BCL11B: variants seen among roughly 807,000 people sequenced by gnomAD.
BCL11B encodes the protein B-cell lymphoma/leukemia 11B.
BCL11B carries 8 observed loss-of-function variants against 49.9 expected under a neutral mutation model. That is an observed-to-expected ratio of 0.16 (90% CI 0.09 to 0.29). The LOEUF is 0.29. Among genes scored for constraint, BCL11B ranks in the 10% least tolerant of loss-of-function variants. The pLI is 1.00. For synonymous variants in BCL11B, 739 were observed against 637.4 expected, an observed-to-expected ratio of 1.16 and a Z score of -2.40; for missense variants, 1,006 against 1,351.0, an observed-to-expected ratio of 0.74 and a Z score of 4.00.
rs570443477 is a variant in BCL11B, at chr14:99,220,627, T to A, written c.640+10718A>T. Among the ~76,000 whole-genome samples the A allele has an allele frequency of 3.9e-5, 6 of 152,230 alleles. No homozygotes were observed. The South Asian group carries it at 6.2e-4, about 16-fold the overall frequency. On this transcript the variant is annotated intron_variant, in intron 3 of 3. Transcript: ENST00000357195. The stretch of plus-strand genomic sequence containing the variant: ...AATGGTGCCAGAGCTCTGTTTGGGA[T>A]GATGGAAAAGCTCTGGAGATGGACG...
At chr14:99,183,832 C>T (rs1036784138) in intron 3 of BCL11B, among the ~76,000 whole-genome samples, 7 of 151,920 alleles carry the variant, frequency 4.6e-5, no homozygotes, top group African/African-American at 7.3e-5. Flanking sequence ...CCCTCCACAC[C>T]GGGCCCCCTC....
At chr14:99,185,916 C>G (rs1303179566) in intron 3 of BCL11B, among the ~76,000 whole-genome samples, 2 of 152,256 alleles carry the variant, frequency 1.3e-5, no homozygotes, top group African/African-American at 4.8e-5. Flanking sequence ...GCTTCACCGT[C>G]AACTTCTCAA....
intron 1 of BCL11B, among the ~76,000 whole-genome samples, chr14:99,259,994 C>T (rs1889289722): frequency 6.6e-6 from 1 of 152,038 alleles, no homozygotes; most frequent in African/African-American, 2.4e-5. Flanking sequence ...CCTTTAATTA[C>T]CAATTACATA....
intron 3 of BCL11B, among the ~76,000 whole-genome samples, chr14:99,227,869 G>A (rs1462850271): frequency 6.6e-6 from 1 of 151,946 alleles, no homozygotes; most frequent in Non-Finnish European, 1.5e-5. Flanking sequence ...TAGACTCAAA[G>A]CCCCACCTTC....
chr14:99,244,411 G>A (rs760538836), intron 2 of BCL11B, among the ~76,000 whole-genome samples: 1 of 151,872 alleles, frequency 6.6e-6, no homozygotes, highest in South Asian at 2.1e-4. Context: ...CATAATTAGC[G>A]TTTCATCTTT....
At chr14:99,267,294 A>G (rs1184463620) in intron 1 of BCL11B, among the ~76,000 whole-genome samples, 1 of 152,168 alleles carries the variant, frequency 6.6e-6, no homozygotes, top group Admixed American at 6.5e-5. Flanking sequence ...AGAAAAGAAA[A>G]GAAAAGAAAT....
intron 3 of BCL11B, among the ~76,000 whole-genome samples, chr14:99,181,932 C>T (rs1012045381): frequency 3.9e-5 from 6 of 152,184 alleles, no homozygotes; most frequent in African/African-American, 1.4e-4. Context: ...CCAAAATGAT[C>T]GTAATTATCA....
chr14:99,225,716 A>G (rs1226521653), intron 3 of BCL11B, among the ~76,000 whole-genome samples: 1 of 152,270 alleles, frequency 6.6e-6, no homozygotes, highest in African/African-American at 2.4e-5. Flanking sequence ...GCAGAAAAAC[A>G]GCAACATCTT....
intron 3 of BCL11B, among the ~76,000 whole-genome samples, chr14:99,229,440 G>A (rs1299494197): frequency 6.6e-6 from 1 of 152,164 alleles, no homozygotes; most frequent in Admixed American, 6.5e-5. Context: ...TGGCTCCACA[G>A]GAAGAGGGGT....
chr14:99,215,958 C>G (rs1243912023), intron 3 of BCL11B, among the ~76,000 whole-genome samples: 1 of 152,114 alleles, frequency 6.6e-6, no homozygotes, highest in East Asian at 1.9e-4. Context: ...AGGGCAGTGC[C>G]GGGAACAGAG....
intron 1 of BCL11B, among the ~76,000 whole-genome samples, chr14:99,266,753 G>A (rs776354384): frequency 1.9e-4 from 29 of 152,222 alleles, no homozygotes; most frequent in Non-Finnish European, 3.8e-4. Context: ...GCCAAGTGGC[G>A]CTAGGCGCGG....
At position 99,241,488 on chromosome 14, in the gene BCL11B, T is replaced by C. The variant is rs1195346012; in HGVS notation, c.428-9931A>G. Among the ~76,000 whole-genome samples the C allele has an allele frequency of 2.0e-5, 3 of 151,126 alleles. No homozygotes were observed. The highest frequency in any genetic ancestry group is 7.3e-5 in the African/African-American group (3 of 41,080). On this transcript the variant is annotated intron_variant, in intron 2 of 3. Coordinates refer to ENST00000357195, the MANE Select transcript of BCL11B (RefSeq NM_138576.4). The surrounding 1 kb of genome is among the most constrained non-coding windows in gnomAD (Gnocchi z 4.4). ...CCCAAAAGAAAAAGAAAAAAAAAAA[T>C]CTTCGCACCACATCACCAAAATGGC...
At chr14:99,209,616 G>C (rs1887631593) in intron 3 of BCL11B, among the ~76,000 whole-genome samples, 1 of 152,156 alleles carries the variant, frequency 6.6e-6, no homozygotes, top group Admixed American at 6.5e-5. Context: ...GCCCCCGGCA[G>C]GGGAGAACCT....
In BCL11B at chr14:99,246,360, T is replaced by C. The variant is rs17095104; in HGVS notation, c.427+11111A>G. On this transcript the variant is annotated intron_variant, in intron 2 of 3. Coordinates refer to ENST00000357195, the MANE Select transcript of BCL11B (RefSeq NM_138576.4). ...CCGCCCCACCAAGGCACAATCAACG[T>C]GCGCAGCGGGCGCGGGTCAAAGAGA... 4.9e-3 allele frequency among the ~76,000 whole-genome samples: 743 copies of C among 152,274 alleles called. 47 individuals are homozygous for C. In the East Asian group the frequency reaches 0.13, roughly 27 times the overall value.
rs1010060636 is a variant in BCL11B at position 99,205,199 on chromosome 14, G to A, written c.640+26146C>T. ...CCTTGAACGAACCGAGGGCCCTCCT[G>A]GGCTGTCAAGAGAGAATTCTACAGC... On this transcript the variant is annotated intron_variant, in intron 3 of 3. Transcript: ENST00000357195. The surrounding 1 kb of genome is among the most constrained non-coding windows in gnomAD (Gnocchi z 5.0). 2.0e-5 allele frequency among the ~76,000 whole-genome samples: 3 copies of A among 152,048 alleles called. No individual in the cohort carries two copies. Among genetic ancestry groups the A allele is most frequent in the African/African-American group, 7.2e-5 (3 of 41,400 alleles).
chr14:99,205,041 ATC>A lies in BCL11B; in HGVS notation c.640+26302_640+26303del, dbSNP rs1887494501. ...ACAGGACAGGCGGACCAGGTCCCAGATCACCTGTGGGCAGGTGTTCAGGGGAT... is the reference window on the plus strand; with the variant it reads ...ACAGGACAGGCGGACCAGGTCCCAGAACCTGTGGGCAGGTGTTCAGGGGAT... On this transcript the variant is annotated intron_variant, in intron 3 of 3. Transcript: ENST00000357195. This position sits in a 1 kb window ranked among gnomAD's most constrained non-coding sequence, Gnocchi z 5.0. Among the ~76,000 whole-genome samples the A allele has an allele frequency of 6.6e-6, 1 of 152,144 alleles. No homozygotes were observed. The highest frequency in any genetic ancestry group is 2.4e-5 in the African/African-American group (1 of 41,440).
At chr14:99,224,717 T>C (rs561011691) in intron 3 of BCL11B, among the ~76,000 whole-genome samples, 63 of 152,246 alleles carry the variant, frequency 4.1e-4, no homozygotes, top group African/African-American at 1.1e-3. Context: ...GGTAAGCAAG[T>C]ACTTCAGTGT....
intron 3 of BCL11B, among the ~76,000 whole-genome samples, chr14:99,200,157 G>A (rs1319972762): frequency 2.0e-5 from 3 of 151,940 alleles, no homozygotes; most frequent in African/African-American, 7.3e-5. Context: ...GGTGCGCAGT[G>A]AAACCCCATG....
chr14:99,236,099 G>A (rs940236841), intron 2 of BCL11B, among the ~76,000 whole-genome samples: 1 of 152,072 alleles, frequency 6.6e-6, no homozygotes, highest in Admixed American at 6.5e-5. Context: ...TCAAATAAGC[G>A]CTTGCCAAGT....
Sources: gnomAD v4.1 joint callset for allele counts (sites outside exome capture counted in the v4.1 genomes callset) on GRCh38, gnomAD v4.1.1 for gene constraint, Gnocchi (gnomAD v3.1) non-coding constraint, MANE v1.5 for transcripts, NCBI Gene and HGNC (gene_info 2026-07-23, HGNC 2026-07-21) for gene names.